FGF13: variants seen among roughly 807,000 people sequenced by gnomAD.
FGF13 encodes the protein fibroblast growth factor 13.
A neutral mutation model predicts 19.5 loss-of-function variants in FGF13; 2 were observed. The ratio of observed to expected loss-of-function variants is 0.10; its 90% CI spans 0.04 to 0.32. The LOEUF (loss-of-function observed/expected upper bound fraction) is 0.32. FGF13 is among the 10% of genes least tolerant of loss of function. The probability of loss-of-function intolerance (pLI) is 1.00; values close to 1 mark genes in which losing one functional copy is unlikely to be tolerated. For synonymous variants in FGF13, 72 were observed against 76.9 expected, an observed-to-expected ratio of 0.94 and a Z score of 0.33; for missense variants, 113 against 192.7, an observed-to-expected ratio of 0.59 and a Z score of 2.45.
At chrX:138,818,043 G>A (rs2090973407) in intron 3 of FGF13, among the ~76,000 whole-genome samples, 1 of 111,635 alleles carries the variant, frequency 9.0e-6, no homozygotes. Flanking sequence ...ACTCAAGACA[G>A]AGGCAATGTC....
chrX:139,163,813 G>T (rs1241776251), intron 1 of FGF13, among the ~76,000 whole-genome samples: 3 of 111,192 alleles, frequency 2.7e-5, no homozygotes, highest in African/African-American at 9.8e-5. Flanking sequence ...AAATTTTCCT[G>T]AAGTTTTCTT....
At chrX:139,159,726 A>G (rs776307421) in intron 1 of FGF13, among the ~76,000 whole-genome samples, 1 of 110,554 alleles carries the variant, frequency 9.0e-6, no homozygotes, top group Non-Finnish European at 1.9e-5. Context: ...ACCAACAAAG[A>G]TCAAAAAAGA....
At chrX:139,065,984 A>T (rs1193849190) in intron 1 of FGF13, among the ~76,000 whole-genome samples, 1 of 112,036 alleles carries the variant, frequency 8.9e-6, no homozygotes, top group Non-Finnish European at 1.9e-5. Context: ...CTCAGACAAC[A>T]GTGCAATCAA....
intron 3 of FGF13, among the ~76,000 whole-genome samples, chrX:138,838,257 T>C (rs373540795): frequency 2.9e-3 from 326 of 111,974 alleles, no homozygotes; most frequent in Non-Finnish European, 4.9e-3. Flanking sequence ...GCCTCTTTTC[T>C]AGGGGTATGT....
chrX:139,066,827 A>T (rs903164078), intron 1 of FGF13, among the ~76,000 whole-genome samples: 1 of 111,306 alleles, frequency 9.0e-6, no homozygotes, highest in African/African-American at 3.3e-5. Flanking sequence ...CAACCAAAAA[A>T]AAAAAGCAAA....
At chrX:138,801,208 C>A (rs753349448) in intron 3 of FGF13, among the ~76,000 whole-genome samples, 19 of 112,485 alleles carry the variant, frequency 1.7e-4, no homozygotes, top group Non-Finnish European at 3.6e-4. Flanking sequence ...TTTTCCTCAT[C>A]TTTGTGGATT....
intron 1 of FGF13, among the ~76,000 whole-genome samples, chrX:139,180,679 C>T (rs1019142491): frequency 4.5e-5 from 5 of 111,032 alleles, no homozygotes; most frequent in South Asian, 3.9e-4. Context: ...TGATGATGTG[C>T]GCAATAGGGC....
intron 1 of FGF13, among the ~76,000 whole-genome samples, chrX:139,156,693 T>C (rs7888371): frequency 0.11 from 12,332 of 111,612 alleles, 1,090 homozygotes; most frequent in African/African-American, 0.3. Context: ...TCTACCATTC[T>C]TAACAAAATC....
chrX:138,755,118 C>T (rs1349441087), intron 3 of FGF13, among the ~76,000 whole-genome samples: 1 of 111,877 alleles, frequency 8.9e-6, no homozygotes, highest in Non-Finnish European at 1.9e-5. Flanking sequence ...TTACTATACA[C>T]TCATCACATT....
intron 1 of FGF13, among the ~76,000 whole-genome samples, chrX:138,934,416 C>T (rs1175923199): frequency 1.8e-5 from 2 of 112,132 alleles, no homozygotes; most frequent in African/African-American, 3.2e-5. Flanking sequence ...TTGGTTTGGC[C>T]ATTTCATGGG....
At chrX:138,724,934 C>T (rs1416496808) in intron 1 of FGF13, among the ~76,000 whole-genome samples, 1 of 111,796 alleles carries the variant, frequency 8.9e-6, no homozygotes, top group Non-Finnish European at 1.9e-5. Context: ...TTAGGGAAAC[C>T]TAGATGAAGG....
At chrX:139,072,276 T>TCTAC (rs762528325) in intron 1 of FGF13, among the ~76,000 whole-genome samples, 6 of 99,093 alleles carry the variant, frequency 6.1e-5, no homozygotes, top group African/African-American at 1.1e-4. Flanking sequence ...TCTCTCTCTC[T>TCTAC]ACACACACAC....
chrX:139,172,479 C>T (rs1267054966), intron 1 of FGF13, among the ~76,000 whole-genome samples: 1 of 111,603 alleles, frequency 9.0e-6, no homozygotes, highest in East Asian at 2.8e-4. Flanking sequence ...TCTACCCGTG[C>T]ATAATCCAGC....
At chrX:138,680,861 G>A (rs909745794) in intron 3 of FGF13, among the ~76,000 whole-genome samples, 1 of 110,839 alleles carries the variant, frequency 9.0e-6, no homozygotes, top group African/African-American at 3.3e-5. Flanking sequence ...CCAATAGAAG[G>A]CTACTTCATC....
intron 1 of FGF13, among the ~76,000 whole-genome samples, chrX:138,880,252 C>G (rs750707760): frequency 7.1e-5 from 8 of 111,898 alleles, no homozygotes; most frequent in African/African-American, 2.3e-4. Context: ...ATTAGTTCAA[C>G]CATTGTGGAA....
downstream of FGF13, among the ~76,000 whole-genome samples, chrX:138,855,045 A>G (rs1375268088): frequency 2.7e-5 from 3 of 112,055 alleles, no homozygotes; most frequent in Admixed American, 2.8e-4. Flanking sequence ...ACTAATTATA[A>G]CAAAATGTCA....
intron 1 of FGF13, among the ~76,000 whole-genome samples, chrX:138,952,946 G>A (rs2091821427): frequency 9.0e-6 from 1 of 111,100 alleles, no homozygotes; most frequent in African/African-American, 3.3e-5. Context: ...TGGAGAGGAC[G>A]TGGAGAAATA....
At chrX:138,903,406 G>T (rs1259385711) in intron 1 of FGF13, among the ~76,000 whole-genome samples, 1 of 111,524 alleles carries the variant, frequency 9.0e-6, no homozygotes, top group African/African-American at 3.3e-5. Context: ...AGTTTCTCTT[G>T]AGTATTCAAA....
intron 1 of FGF13, among the ~76,000 whole-genome samples, chrX:139,004,720 T>A (rs1210215194): frequency 9.0e-6 from 1 of 111,436 alleles, no homozygotes; most frequent in African/African-American, 3.3e-5. Context: ...GAAGGGTGAG[T>A]CCCAGACTAG....
Sources: gnomAD v4.1 joint callset for allele counts (sites outside exome capture counted in the v4.1 genomes callset) on GRCh38, gnomAD v4.1.1 for gene constraint, MANE v1.5 for transcripts, NCBI Gene and HGNC (gene_info 2026-07-23, HGNC 2026-07-21) for gene names.